The following WNK2 variants were observed in gnomAD, a reference collection of about 807,000 sequenced individuals.
WNK2 encodes serine/threonine-protein kinase WNK2.
In WNK2, 67 loss-of-function variants were observed where a neutral mutation model predicts 192.1. The observed-to-expected ratio is 0.35, with a 90% CI of 0.29 to 0.43. WNK2 has a LOEUF of 0.43. Ranked by LOEUF, WNK2 falls within the 20% of genes least tolerant of loss-of-function variation. The pLI is 1.00. For missense variants in WNK2, 2,698 were observed against 3,089.7 expected (o/e 0.87, Z 3.01); for synonymous variants, 1,439 against 1,393.9 (o/e 1.03, Z -0.72).
chr9:93,271,558 G>A (rs1846008224), intron 19 of WNK2, among the ~76,000 whole-genome samples: 1 of 152,152 alleles, frequency 6.6e-6, no homozygotes, highest in South Asian at 2.1e-4. Flanking sequence ...AACAGAAGAT[G>A]CAAAGAAGAA....
chr9:93,267,362 G>A (rs1588309156), intron 16 of WNK2: 2 of 181,180 alleles, frequency 1.1e-5, no homozygotes, highest in East Asian at 3.0e-4. Flanking sequence ...TGTCATGACT[G>A]CCTGGGCACC....
intron 2 of WNK2, among the ~76,000 whole-genome samples, chr9:93,188,307 C>T (rs969255581): frequency 6.6e-6 from 1 of 152,186 alleles, no homozygotes; most frequent in Non-Finnish European, 1.5e-5. Context: ...GGTTCCCTGC[C>T]AGACGGGAGA....
chr9:93,262,604 G>A, intron 13 of WNK2, 66 bp from the exon 14 acceptor site: 1 of 1,565,672 alleles, frequency 6.4e-7, no homozygotes, highest in Non-Finnish European at 8.8e-7. Context: ...GACTATGCGT[G>A]GCTGTGCCCA....
chr9:93,212,045 A>G (rs1834889054), intron 2 of WNK2, among the ~76,000 whole-genome samples: 1 of 151,616 alleles, frequency 6.6e-6, no homozygotes, highest in Non-Finnish European at 1.5e-5. Flanking sequence ...TTACTCATTC[A>G]CTCTTTTGCT....
chr9:93,295,685 C>T (rs1850141116), intron 23 of WNK2, among the ~76,000 whole-genome samples: 1 of 151,818 alleles, frequency 6.6e-6, no homozygotes, highest in South Asian at 2.1e-4. Flanking sequence ...GCTCCACTCC[C>T]CATCCTCTCC....
chr9:93,219,694 G>T (rs1836469021), intron 2 of WNK2, among the ~76,000 whole-genome samples: 1 of 152,232 alleles, frequency 6.6e-6, no homozygotes, highest in Non-Finnish European at 1.5e-5. Context: ...CTATGTGGGG[G>T]CTCCTTTGCT....
chr9:93,256,538 C>T (rs745992601), intron 10 of WNK2, 84 bp downstream of exon 10: 136 of 1,381,526 alleles, frequency 9.8e-5, no homozygotes, highest in Non-Finnish European at 1.3e-4. Context: ...CTATGAGCAC[C>T]TCCCACAGAC....
Position 93,259,436 on chromosome 9 carries a change from C to T in WNK2, c.2888C>T (p.Pro963Leu). ...GTGCTGCCCCCGCAACCCACGCTGC[C>T]CCCTCAACCTGTGTTGCCCCCGCAA... ...QPVLPPQPTL[P>L]PQPVLPPQPT... is the part of the protein sequence containing the mutation. The change falls in exon 12 of 30, where the codon CCC becomes CTC. Residue 963 changes from proline to leucine, a missense_variant. Around this residue, in one of 7 missense-constraint regions of WNK2, gnomAD observed 893 missense variants for 909.0 expected, o/e 0.98. Transcript: ENST00000427277. This position sits in a 1 kb window ranked among gnomAD's most constrained non-coding sequence, Gnocchi z 4.8. 6.6e-7 allele frequency: 1 copy of T among 1,521,936 alleles called. No homozygotes were observed. The highest frequency in any genetic ancestry group is 2.5e-5 in the East Asian group (1 of 40,254). The allele number at this position is 1,521,936 out of a possible 1,614,324, so 94.3% of individuals were successfully genotyped here. A position where few individuals can be genotyped will look rare whatever the true frequency, so the allele number is the denominator to read the frequency against.
intron 2 of WNK2, among the ~76,000 whole-genome samples, chr9:93,190,252 G>GC (rs1380826508): frequency 1.3e-5 from 2 of 152,158 alleles, no homozygotes; most frequent in African/African-American, 4.8e-5. Context: ...TGGTGCTTCT[G>GC]CCCCCCGAGT....
chr9:93,304,091 C>T (rs1240608081), intron 26 of WNK2, among the ~76,000 whole-genome samples: 1 of 152,188 alleles, frequency 6.6e-6, no homozygotes, highest in African/African-American at 2.4e-5. Flanking sequence ...GGGGATTGCT[C>T]AGGGGCTGAC....
In WNK2 at chr9:93,299,143, C is replaced by A. The variant is rs535771097; in HGVS notation, c.5997C>A (p.Asp1999Glu). 1.2e-5 allele frequency: 19 copies of A among 1,611,952 alleles called. No homozygotes were observed. The East Asian group carries it at 3.8e-4, about 32-fold the overall frequency. Residue 1999 changes from aspartate to glutamate, a missense_variant, in exon 25 of 30, where the codon GAC becomes GAA. By Grantham distance (45) the Asp-to-Glu change is conservative. Transcript: ENST00000427277. ...PAQASVGLTA[D>E]STGLSGKAVQ... ...AAGCCAGTGTGGGGCTCACTGCAGACAGCACGGGCCTGAGCGGGAAGGCAG... is the reference window on the plus strand; with the variant it reads ...AAGCCAGTGTGGGGCTCACTGCAGAAAGCACGGGCCTGAGCGGGAAGGCAG...
intron 2 of WNK2, among the ~76,000 whole-genome samples, chr9:93,186,727 G>A (rs924375307): frequency 2.0e-5 from 3 of 152,252 alleles, no homozygotes; most frequent in Non-Finnish European, 4.4e-5. Context: ...GTGTGTGCAA[G>A]CCTGGATAAT....
chr9:93,309,034 G>C (rs1157524962), intron 28 of WNK2: 4 of 997,028 alleles, frequency 4.0e-6, no homozygotes, highest in Non-Finnish European at 4.8e-6. Context: ...AGCCAATGTG[G>C]GGCGGAAGTG....
At chr9:93,237,460 C>T (rs1002532984) in intron 5 of WNK2, among the ~76,000 whole-genome samples, 2 of 152,090 alleles carry the variant, frequency 1.3e-5, no homozygotes, top group East Asian at 1.9e-4. Flanking sequence ...GTGAAGTGTT[C>T]GATTCAGATG....
chr9:93,261,238 G>A (rs1228923311), intron 12 of WNK2, among the ~76,000 whole-genome samples: 1 of 152,194 alleles, frequency 6.6e-6, no homozygotes, highest in East Asian at 1.9e-4. Flanking sequence ...TAAAATTTCA[G>A]CCTTCTCAAC....
At chr9:93,258,902 A>T (rs537510980) in intron 11 of WNK2, 29 bp from the exon 12 acceptor site, 1 of 1,585,722 alleles carries the variant, frequency 6.3e-7, no homozygotes, top group Non-Finnish European at 8.6e-7. Flanking sequence ...GTTGGGGCCC[A>T]CACTGACACA....
At chr9:93,313,071 A>T (rs1372996021) in intron 28 of WNK2, among the ~76,000 whole-genome samples, 3 of 152,072 alleles carry the variant, frequency 2.0e-5, no homozygotes, top group East Asian at 1.9e-4. Flanking sequence ...CTATCTGTTG[A>T]TATCCTCATT....
Position 93,289,181 on chromosome 9 carries a change from C to T in WNK2, c.4427C>T (p.Pro1476Leu). Reference sequence around the variant, plus strand: ...GCCAGTGCCCCAAGGGAGCCCCTGCCACCTCCTGCACCTGAGCCCAGCCCC... The same window carrying T: ...GCCAGTGCCCCAAGGGAGCCCCTGCTACCTCCTGCACCTGAGCCCAGCCCC... ...RDASAPREPL[P>L]PPAPEPSPHS... The change falls in exon 20 of 30, where the codon CCA (proline) becomes CTA (leucine). Residue 1476 changes from proline to leucine, a missense_variant. Physicochemically the swap from Pro to Leu is moderately conservative, Grantham distance 98. This residue lies in a region of WNK2 where 1,098 missense variants were observed against 1,101.0 expected (regional missense o/e 1.00). Transcript: ENST00000427277. 4 of 1,599,972 alleles carry T rather than the reference C, an allele frequency of 2.5e-6. No individual in the cohort carries two copies. The highest frequency in any genetic ancestry group is 1.7e-4 in the Middle Eastern group (1 of 5,998).
chr9:93,268,154 G>T, intron 18 of WNK2, 89 bp downstream of exon 18: 1 of 1,516,480 alleles, frequency 6.6e-7, no homozygotes, highest in Non-Finnish European at 8.9e-7. Context: ...GCCATTGCTT[G>T]GGGGGATTAT....
Sources: gnomAD v4.1 joint callset for allele counts (sites outside exome capture counted in the v4.1 genomes callset) on GRCh38, gnomAD v4.1.1 for gene constraint, gnomAD v4.1.1 regional missense constraint, Gnocchi (gnomAD v3.1) non-coding constraint, MANE v1.5 for transcripts, NCBI Gene and HGNC (gene_info 2026-07-23, HGNC 2026-07-21) for gene names.